KCNMB2: variants seen among roughly 807,000 people sequenced by gnomAD.
KCNMB2 encodes the protein potassium calcium-activated channel subfamily M regulatory beta subunit 2.
KCNMB2 carries 9 observed loss-of-function variants against 24.5 expected under a neutral mutation model. That is an observed-to-expected ratio of 0.37 (90% confidence interval 0.22 to 0.64). The LOEUF (loss-of-function observed/expected upper bound fraction) is 0.64. KCNMB2 is among the 30% of genes least tolerant of loss of function. KCNMB2 has a pLI of 0.63. For missense variants in KCNMB2, 226 were observed against 284.3 expected (o/e 0.79, Z 1.47); for synonymous variants, 109 against 104.4 (o/e 1.04, Z -0.27).
chr3:178,841,536 T>C (rs1389929181), intron 4 of KCNMB2: 1 of 152,168 alleles, frequency 6.6e-6, no homozygotes, highest in Non-Finnish European at 1.5e-5. Flanking sequence ...AAAGGTTTAA[T>C]TAACTCACAG....
intron 1 of KCNMB2, among the ~76,000 whole-genome samples, chr3:178,550,628 G>A (rs74664388): frequency 0.014 from 2,088 of 152,256 alleles, 24 homozygotes; most frequent in Middle Eastern, 0.085. Flanking sequence ...TATTTTAATA[G>A]ACAGAAAAAA....
chr3:178,706,127 A>G (rs1012633451), intron 1 of KCNMB2, among the ~76,000 whole-genome samples: 4 of 152,056 alleles, frequency 2.6e-5, no homozygotes, highest in African/African-American at 9.7e-5. Context: ...GACAACCCAC[A>G]TTTCCTGCCT....
In KCNMB2 at chr3:178,819,560, T is replaced by G. The variant is rs150337982; in HGVS notation, c.57-6028T>G. Among the ~76,000 whole-genome samples, 240 of 151,372 alleles carry G rather than the reference T, an allele frequency of 1.6e-3. 1 individual carries two copies. The highest frequency in any genetic ancestry group is 5.5e-3 in the African/African-American group (228 of 41,268). On this transcript the variant is annotated intron_variant, in intron 2 of 4. Transcript: ENST00000452583. Reference sequence around the variant, plus strand: ...CTCCTGCTTCCTCTGCCCGCTAGTCTTCCCTCCTCTACCCCTGTGTGTCCC... The same window carrying G: ...CTCCTGCTTCCTCTGCCCGCTAGTCGTCCCTCCTCTACCCCTGTGTGTCCC...
At chr3:178,689,945 C>A (rs879279629) in intron 1 of KCNMB2, among the ~76,000 whole-genome samples, 5 of 151,556 alleles carry the variant, frequency 3.3e-5, no homozygotes, top group Non-Finnish European at 7.4e-5. Context: ...AGGAGAGAGA[C>A]CTTAAAGTGT....
At position 178,604,488 on chromosome 3, in the gene KCNMB2, C is replaced by A. The variant is rs1050444743; in HGVS notation, c.-68+67777C>A. Among the ~76,000 whole-genome samples, 6 of 151,846 alleles carry A rather than the reference C, an allele frequency of 4.0e-5. No individual in the cohort carries two copies. In the East Asian group the frequency reaches 1.2e-3, roughly 29 times the overall value. On this transcript the variant is annotated intron_variant, in intron 1 of 4. Transcript: ENST00000452583. Reference sequence around the variant, plus strand: ...AACAGCATTTCAAAATGTCTGAAATCCACATCATTTTCTCCTCATAACCTA... The same window carrying A: ...AACAGCATTTCAAAATGTCTGAAATACACATCATTTTCTCCTCATAACCTA...
chr3:178,794,721 T>C (rs562078922), intron 1 of KCNMB2, among the ~76,000 whole-genome samples: 4 of 152,274 alleles, frequency 2.6e-5, no homozygotes, highest in Admixed American at 2.0e-4. Context: ...AAGAATGACA[T>C]GATGTACCCA....
intron 1 of KCNMB2, among the ~76,000 whole-genome samples, chr3:178,740,952 A>G (rs1559997422): frequency 1.3e-5 from 2 of 152,212 alleles, no homozygotes; most frequent in Non-Finnish European, 2.9e-5. Context: ...TCAATTCTTC[A>G]CAAGTGACAA....
chr3:178,651,571 T>G lies in KCNMB2; in HGVS notation c.-68+114860T>G, dbSNP rs191661543. ...CTTCACAGAATTAGAAAAAAACTGC[T>G]TTAAAGTTCATATGGAACCAAAAAA... On this transcript the variant is annotated intron_variant, in intron 1 of 4. Coordinates refer to ENST00000452583, the MANE Select transcript of KCNMB2 (RefSeq NM_181361.3). Among the ~76,000 whole-genome samples, 545 of 152,292 alleles carry G rather than the reference T, an allele frequency of 3.6e-3. 15 individuals carry two copies. Among genetic ancestry groups the G allele is most frequent in the Non-Finnish European group, 1.7e-3 (116 of 68,028 alleles).
Position 178,618,875 on chromosome 3 carries a change from A to G in KCNMB2, c.-68+82164A>G, listed in dbSNP as rs563346699. Among the ~76,000 whole-genome samples, 3 of 152,320 alleles carry G rather than the reference A, an allele frequency of 2.0e-5. No homozygotes were observed. The East Asian group carries it at 5.8e-4, about 29-fold the overall frequency. ...TTCTATGTGCCAAGCCCACTTACAC[A>G]TATTATTTCCTTTAGTCCTTAGGTA... On this transcript the variant is annotated intron_variant, in intron 1 of 4. Transcript: ENST00000452583.
At chr3:178,582,772 A>C (rs16829787) in intron 1 of KCNMB2, among the ~76,000 whole-genome samples, 4,309 of 152,258 alleles carry the variant, frequency 0.028, 195 homozygotes, top group African/African-American at 0.099. Context: ...AGAAATAGGA[A>C]GACTTTGCAT....
At chr3:178,544,557 CT>C (rs1289561574) in intron 1 of KCNMB2, among the ~76,000 whole-genome samples, 3 of 152,132 alleles carry the variant, frequency 2.0e-5, no homozygotes, top group Non-Finnish European at 4.4e-5. Flanking sequence ...CTGCTGACTT[CT>C]TAGGAAAGAA....
intron 1 of KCNMB2, among the ~76,000 whole-genome samples, chr3:178,675,149 T>G (rs1037046806): frequency 6.6e-6 from 1 of 152,218 alleles, no homozygotes; most frequent in African/African-American, 2.4e-5. Flanking sequence ...AATATAGTTT[T>G]AAAATATAAT....
chr3:178,625,515 G>A (rs1719086041), intron 1 of KCNMB2, among the ~76,000 whole-genome samples: 2 of 152,210 alleles, frequency 1.3e-5, no homozygotes, highest in Non-Finnish European at 2.9e-5. Flanking sequence ...GGGAGAAGAG[G>A]GGCAACTAAG....
intron 1 of KCNMB2, among the ~76,000 whole-genome samples, chr3:178,625,298 T>TG (rs1482838874): frequency 6.6e-6 from 1 of 150,928 alleles, no homozygotes; most frequent in African/African-American, 2.4e-5. Context: ...GACAAGGGGG[T>TG]GGGGGCGGGG....
At chr3:178,620,668 C>G (rs71308197) in intron 1 of KCNMB2, among the ~76,000 whole-genome samples, 2,560 of 152,282 alleles carry the variant, frequency 0.017, 40 homozygotes, top group Middle Eastern at 0.099. Context: ...TCATTTTACA[C>G]GTTAGGATTT....
chr3:178,568,751 A>G (rs1379119015), intron 1 of KCNMB2, among the ~76,000 whole-genome samples: 2 of 142,916 alleles, frequency 1.4e-5, no homozygotes, highest in African/African-American at 5.1e-5. Flanking sequence ...GATGATAGAT[A>G]GATAGATGAT....
At chr3:178,791,088 G>A (rs771233092) in intron 1 of KCNMB2, among the ~76,000 whole-genome samples, 2 of 152,034 alleles carry the variant, frequency 1.3e-5, no homozygotes, top group Admixed American at 6.6e-5. Flanking sequence ...CACAAGCACC[G>A]ATACCATCCA....
chr3:178,700,567 T>C (rs1172583273), intron 1 of KCNMB2, among the ~76,000 whole-genome samples: 1 of 152,246 alleles, frequency 6.6e-6, no homozygotes, highest in Admixed American at 6.5e-5. Context: ...GGTGAAAAGA[T>C]ATGCTCTGGA....
intron 2 of KCNMB2, among the ~76,000 whole-genome samples, chr3:178,809,942 CAAGCAATAGAATCTGCCATT>C (rs1305322965): frequency 9.9e-5 from 15 of 152,080 alleles, no homozygotes; most frequent in African/African-American, 1.9e-4. Flanking sequence ...CCAAAAAATA[CAAGCAATAGAATCTGCCATT>C]AAGCAATAGA....
Sources: gnomAD v4.1 joint callset for allele counts (sites outside exome capture counted in the v4.1 genomes callset) on GRCh38, gnomAD v4.1.1 for gene constraint, MANE v1.5 for transcripts, NCBI Gene and HGNC (gene_info 2026-07-23, HGNC 2026-07-21) for gene names.